The following TMEM132B variants were observed in gnomAD, a reference collection of about 807,000 sequenced individuals.
The protein encoded by TMEM132B is transmembrane protein 132B.
A neutral mutation model predicts 90.8 loss-of-function variants in TMEM132B; 18 were observed. The ratio of observed to expected loss-of-function variants is 0.20; its 90% CI spans 0.14 to 0.29. The LOEUF is 0.29. Ranked by LOEUF, TMEM132B falls within the 10% of genes least tolerant of loss-of-function variation. The probability of loss-of-function intolerance (pLI) is 1.00; values close to 1 mark genes in which losing one functional copy is unlikely to be tolerated. For missense variants in TMEM132B, 1,096 were observed against 1,326.8 expected, an observed-to-expected ratio of 0.83 and a Z score of 2.70; for synonymous variants, 504 against 523.3, an observed-to-expected ratio of 0.96 and a Z score of 0.50.
chr12:125,328,589 A>T (rs1393888756), intron 1 of TMEM132B, among the ~76,000 whole-genome samples: 1 of 152,024 alleles, frequency 6.6e-6, no homozygotes, highest in Non-Finnish European at 1.5e-5. Context: ...CCATCACTCC[A>T]GTCTCTCACT....
chr12:125,491,863 T>G (rs1882361749), intron 3 of TMEM132B, among the ~76,000 whole-genome samples: 1 of 152,220 alleles, frequency 6.6e-6, no homozygotes. Context: ...TTTGTGCTTT[T>G]ACCTGAGGCC....
chr12:125,200,462 C>CA (rs1473330696), intron 1 of TMEM132B, among the ~76,000 whole-genome samples: 1 of 152,148 alleles, frequency 6.6e-6, no homozygotes, highest in East Asian at 1.9e-4. Context: ...AGAACTACCT[C>CA]ATTTTTTTTG....
At chr12:125,376,378 C>G (rs1190120556) in intron 2 of TMEM132B, among the ~76,000 whole-genome samples, 1 of 152,040 alleles carries the variant, frequency 6.6e-6, no homozygotes, top group Non-Finnish European at 1.5e-5. Context: ...AGTAATAATA[C>G]AGATGGTACC....
chr12:125,395,236 C>G (rs564090777), intron 2 of TMEM132B, among the ~76,000 whole-genome samples: 2 of 152,226 alleles, frequency 1.3e-5, no homozygotes, highest in African/African-American at 4.8e-5. Flanking sequence ...GAAAAAAATT[C>G]ATTATGGCTG....
chr12:125,626,662 G>C (rs1193555492), intron 5 of TMEM132B, among the ~76,000 whole-genome samples: 1 of 152,016 alleles, frequency 6.6e-6, no homozygotes. Context: ...GAAGTCTGCC[G>C]TAATTGTTAT....
chr12:125,528,655 TGCAGGCATTAGGGGCAC>T (rs1883559361), intron 4 of TMEM132B, among the ~76,000 whole-genome samples: 1 of 152,188 alleles, frequency 6.6e-6, no homozygotes, highest in Non-Finnish European at 1.5e-5. Context: ...CTTTGAACAA[TGCAGGCATTAGGGGCAC>T]TGACCCCTCT....
intron 3 of TMEM132B, among the ~76,000 whole-genome samples, chr12:125,510,798 A>G (rs1882957800): frequency 6.6e-6 from 1 of 152,318 alleles, no homozygotes; most frequent in Admixed American, 6.5e-5. Flanking sequence ...TATAAACTAT[A>G]GAAATAATTA....
rs1879602111 is a variant in TMEM132B, at chr12:125,408,992, C to G, written c.960-6539C>G. Among the ~76,000 whole-genome samples, 1 of 152,030 alleles carries G rather than the reference C, an allele frequency of 6.6e-6. No homozygotes were observed. The highest frequency in any genetic ancestry group is 6.6e-5 in the Admixed American group (1 of 15,266). The stretch of plus-strand genomic sequence containing the variant: ...TTAATAATAATAGTGATAATGATAA[C>G]TAATAATAATAATAATTGAAAAGTC... On this transcript the variant is annotated intron_variant, in intron 2 of 8. Transcript: ENST00000682704. This position sits in a 1 kb window ranked among gnomAD's most constrained non-coding sequence, Gnocchi z 5.9.
At chr12:125,520,570 G>T (rs542198400) in intron 4 of TMEM132B, among the ~76,000 whole-genome samples, 3 of 152,130 alleles carry the variant, frequency 2.0e-5, no homozygotes, top group East Asian at 3.9e-4. Context: ...CATCTCCCAC[G>T]TCTGGGTCCT....
intron 2 of TMEM132B, among the ~76,000 whole-genome samples, chr12:125,353,308 C>T (rs1266632224): frequency 4.6e-5 from 7 of 152,172 alleles, no homozygotes; most frequent in Non-Finnish European, 1.5e-5. Flanking sequence ...TTGAACCCAC[C>T]CCTTCAGGCA....
rs983523546 is a variant in TMEM132B at position 125,281,799 on chromosome 12, T to C, written c.68-67653T>C. ...ATCCCAGCACTTTGGGAGGCCGAGG[T>C]GGGCGGATCACGAGGTCAGGAGATC... On this transcript the variant is annotated intron_variant, in intron 1 of 8. Transcript: ENST00000682704. Among the ~76,000 whole-genome samples, 38 of 151,682 alleles carry C rather than the reference T, an allele frequency of 2.5e-4. 1 individual carries two copies. Among genetic ancestry groups the C allele is most frequent in the Middle Eastern group, 6.8e-3 (2 of 294 alleles).
intron 3 of TMEM132B, among the ~76,000 whole-genome samples, chr12:125,495,501 G>C (rs1437194868): frequency 6.6e-6 from 1 of 152,136 alleles, no homozygotes; most frequent in Admixed American, 6.5e-5. Flanking sequence ...TTTTGTTGTT[G>C]CTCATCTCTG....
At position 125,441,379 on chromosome 12, in the gene TMEM132B, A is replaced by G. The variant is rs144400478; in HGVS notation, c.1106+25702A>G. ...ACAAAAGGTTTCCAAGTTGAAAGAA[A>G]CAATGTAAAACACCCATTATAAATA... is the stretch of plus-strand genomic sequence containing the variant. On this transcript the variant is annotated intron_variant, in intron 3 of 8. Transcript: ENST00000682704. Among the ~76,000 whole-genome samples the G allele has an allele frequency of 3.0e-3, 453 of 152,362 alleles. 1 individual carries two copies. Among genetic ancestry groups the G allele is most frequent in the African/African-American group, 0.01 (427 of 41,586 alleles).
At chr12:125,464,442 C>A (rs1881514293) in intron 3 of TMEM132B, among the ~76,000 whole-genome samples, 1 of 152,108 alleles carries the variant, frequency 6.6e-6, no homozygotes, top group African/African-American at 2.4e-5. Flanking sequence ...CTGCTTTAGG[C>A]CCTCTCTGAT....
chr12:125,538,528 T>G (rs1295570326), intron 4 of TMEM132B, among the ~76,000 whole-genome samples: 1 of 152,194 alleles, frequency 6.6e-6, no homozygotes. Context: ...AGGAATTCAT[T>G]CTTGTTCTGT....
At chr12:125,376,804 A>G (rs1375698411) in intron 2 of TMEM132B, among the ~76,000 whole-genome samples, 1 of 152,214 alleles carries the variant, frequency 6.6e-6, no homozygotes, top group Admixed American at 6.5e-5. Context: ...TGGCCATGGC[A>G]CAGACTTTGG....
intron 3 of TMEM132B, among the ~76,000 whole-genome samples, chr12:125,433,620 C>A (rs1447648857): frequency 6.7e-6 from 1 of 150,194 alleles, no homozygotes; most frequent in Non-Finnish European, 1.5e-5. Flanking sequence ...GCTGCACCCA[C>A]TAACTCGTCA....
intron 1 of TMEM132B, among the ~76,000 whole-genome samples, chr12:125,255,960 C>T (rs1874430661): frequency 6.6e-6 from 1 of 152,138 alleles, no homozygotes; most frequent in Admixed American, 6.5e-5. Flanking sequence ...CAACCCTAAT[C>T]ACTGAGTTTT....
In TMEM132B at chr12:125,627,182, T is replaced by C. The variant is rs1431462453; in HGVS notation, c.1438-16894T>C. 2.6e-5 allele frequency among the ~76,000 whole-genome samples: 4 copies of C among 152,180 alleles called. No homozygotes were observed. The East Asian group carries it at 5.8e-4, about 22-fold the overall frequency. ...TTTTATCCTCTTCTGAAATTACCCATCTTCTCCTTTATGTTGCCTATCATT... is the reference window on the plus strand; with the variant it reads ...TTTTATCCTCTTCTGAAATTACCCACCTTCTCCTTTATGTTGCCTATCATT... On this transcript the variant is annotated intron_variant, in intron 5 of 8. Coordinates refer to ENST00000682704, the MANE Select transcript of TMEM132B (RefSeq NM_001366854.1).
Sources: allele counts gnomAD v4.1 joint callset (sites outside exome capture counted in the v4.1 genomes callset), GRCh38; gene constraint gnomAD v4.1.1; non-coding constraint Gnocchi (gnomAD v3.1); transcripts MANE v1.5; gene names NCBI Gene and HGNC (gene_info 2026-07-23, HGNC 2026-07-21).